SLIT1: variants seen among roughly 807,000 people sequenced by gnomAD.
SLIT1 encodes slit homolog 1 protein.
Under a neutral mutation model 186.1 loss-of-function variants are expected in SLIT1, and 66 were observed. The observed-to-expected ratio is 0.35, with a 90% CI of 0.29 to 0.44. The LOEUF (loss-of-function observed/expected upper bound fraction) is 0.44, where lower values mean the gene tolerates loss of function less well. Ranked by LOEUF, SLIT1 falls within the 20% of genes least tolerant of loss-of-function variation. The pLI is 1.00. For missense variants in SLIT1, 1,638 were observed against 2,037.4 expected (o/e 0.80, Z 3.77); for synonymous variants, 761 against 833.8 (o/e 0.91, Z 1.50).
intron 30 of SLIT1, among the ~76,000 whole-genome samples, chr10:97,013,032 T>C (rs949733714): frequency 6.6e-6 from 1 of 152,194 alleles, no homozygotes; most frequent in Non-Finnish European, 1.5e-5. Flanking sequence ...ATGATGAAAA[T>C]ACAGACCAAC....
At chr10:97,037,392 T>G (rs1302612890) in intron 22 of SLIT1, among the ~76,000 whole-genome samples, 1 of 152,104 alleles carries the variant, frequency 6.6e-6, no homozygotes, top group Non-Finnish European at 1.5e-5. Context: ...TGAGCCACCG[T>G]GCCCGCCCGA....
chr10:97,142,286 A>T (rs189600422), intron 4 of SLIT1, among the ~76,000 whole-genome samples: 4 of 152,348 alleles, frequency 2.6e-5, no homozygotes, highest in Non-Finnish European at 5.9e-5. Flanking sequence ...AGACAGACAA[A>T]TAGACCAATG....
At chr10:97,042,395 G>T (rs577896929) in intron 20 of SLIT1, among the ~76,000 whole-genome samples, 1 of 152,058 alleles carries the variant, frequency 6.6e-6, no homozygotes, top group Non-Finnish European at 1.5e-5. Context: ...TGGTGCTGTG[G>T]CGAAAAAATG....
intron 6 of SLIT1, 143 bp downstream of exon 6, chr10:97,064,662 G>C (rs1022028158): frequency 1.1e-5 from 7 of 646,934 alleles, no homozygotes; most frequent in Non-Finnish European, 1.9e-5. Flanking sequence ...ATGAGTGCCT[G>C]TCCTCCCCTC....
At chr10:97,172,314 G>C (rs2134738187) in intron 1 of SLIT1, among the ~76,000 whole-genome samples, 1 of 152,186 alleles carries the variant, frequency 6.6e-6, no homozygotes, top group East Asian at 1.9e-4. Context: ...CCAAAGTGCT[G>C]GGATTACAAG....
Position 97,068,680 on chromosome 10 carries a change from C to T in SLIT1, c.414-2594G>A, listed in dbSNP as rs761235057. Among the ~76,000 whole-genome samples, 6 of 152,208 alleles carry T rather than the reference C, an allele frequency of 3.9e-5. No homozygotes were observed. The highest frequency in any genetic ancestry group is 7.3e-5 in the Non-Finnish European group (5 of 68,030). On this transcript the variant is annotated intron_variant, in intron 4 of 36. Coordinates refer to ENST00000266058, the MANE Select transcript of SLIT1 (RefSeq NM_003061.3). This position sits in a 1 kb window ranked among gnomAD's most constrained non-coding sequence, Gnocchi z 4.2. Reference sequence around the variant, plus strand: ...TTCTTGTGGGGGAAGCTTCCTCCTCCCGCACTCGCCCGGCCCCACCTTCCC... The same window carrying T: ...TTCTTGTGGGGGAAGCTTCCTCCTCTCGCACTCGCCCGGCCCCACCTTCCC...
At chr10:97,034,342 C>T (rs1208368010) in intron 23 of SLIT1, 129 bp downstream of exon 23, 22 of 737,064 alleles carry the variant, frequency 3.0e-5, no homozygotes, top group South Asian at 1.7e-4. Context: ...CTCTCAGGCC[C>T]GGCACCCTCT....
chr10:97,181,283 T>G (rs1480612716), intron 1 of SLIT1, among the ~76,000 whole-genome samples: 2 of 152,218 alleles, frequency 1.3e-5, no homozygotes, highest in Non-Finnish European at 2.9e-5. Context: ...TCAGATCCAA[T>G]CGGGCCCTGA....
intron 4 of SLIT1, among the ~76,000 whole-genome samples, chr10:97,112,007 T>G (rs893609281): frequency 6.6e-6 from 1 of 152,186 alleles, no homozygotes; most frequent in Non-Finnish European, 1.5e-5. Flanking sequence ...CGTGCCGAGC[T>G]TGCCCCTTCC....
chr10:97,032,764 G>T (rs919127430), intron 23 of SLIT1, among the ~76,000 whole-genome samples: 1 of 152,048 alleles, frequency 6.6e-6, no homozygotes, highest in African/African-American at 2.4e-5. Context: ...CCCAGCAGAC[G>T]AATGGATGAG....
At chr10:97,134,769 C>T (rs1412236337) in intron 4 of SLIT1, among the ~76,000 whole-genome samples, 5 of 152,312 alleles carry the variant, frequency 3.3e-5, no homozygotes. Flanking sequence ...ATTCTCTTCC[C>T]CTTTGATTTT....
chr10:97,065,909 TC>T (rs1327254721), intron 5 of SLIT1, 105 bp downstream of exon 5: 24 of 816,802 alleles, frequency 2.9e-5, no homozygotes, highest in Non-Finnish European at 4.9e-5. Flanking sequence ...CCAGGTCAGC[TC>T]CCTGGCTGCC....
intron 4 of SLIT1, among the ~76,000 whole-genome samples, chr10:97,128,502 C>G (rs1479241429): frequency 6.6e-6 from 1 of 152,182 alleles, no homozygotes; most frequent in Non-Finnish European, 1.5e-5. Flanking sequence ...GTTAACTTCC[C>G]AGAATGGGTC....
At chr10:97,120,238 G>A (rs1175761241) in intron 4 of SLIT1, among the ~76,000 whole-genome samples, 1 of 151,968 alleles carries the variant, frequency 6.6e-6, no homozygotes, top group Non-Finnish European at 1.5e-5. Context: ...GCTCCCCACA[G>A]CCACTTCCCT....
At chr10:97,179,963 G>A (rs563118799) in intron 1 of SLIT1, among the ~76,000 whole-genome samples, 50 of 152,322 alleles carry the variant, frequency 3.3e-4, no homozygotes, top group Non-Finnish European at 7.1e-4. Flanking sequence ...CAGAACTGGA[G>A]GCGGCAACTC....
At chr10:97,044,255 G>A (rs1018639089) in intron 18 of SLIT1, among the ~76,000 whole-genome samples, 5 of 152,166 alleles carry the variant, frequency 3.3e-5, no homozygotes, top group African/African-American at 1.2e-4. Flanking sequence ...ACTTAGCCAG[G>A]CATGGTGGTG....
chr10:97,070,334 C>T (rs1848991082), intron 4 of SLIT1, among the ~76,000 whole-genome samples: 1 of 152,218 alleles, frequency 6.6e-6, no homozygotes, highest in African/African-American at 2.4e-5. Context: ...CATGCTTAGG[C>T]TCCAGGTTAA....
At chr10:97,041,853 AAAG>A (rs10533432) in intron 20 of SLIT1, among the ~76,000 whole-genome samples, 11,144 of 152,184 alleles carry the variant, frequency 0.073, 550 homozygotes, top group Middle Eastern at 0.11. Context: ...TCTTTTGTAA[AAAG>A]AAGGATAAAA....
At position 97,047,956 on chromosome 10, in the gene SLIT1, T is replaced by C. The variant is rs762755950; in HGVS notation, c.1489+17A>G. On this transcript the variant is annotated intron_variant, in intron 15 of 36. Coordinates refer to ENST00000266058, the MANE Select transcript of SLIT1 (RefSeq NM_003061.3). ...CCATTCCCGCCAGGCTGGCCTTGGATCCCCCCACTCTCCTACCTGGAATGA... is the reference window on the plus strand; with the variant it reads ...CCATTCCCGCCAGGCTGGCCTTGGACCCCCCCACTCTCCTACCTGGAATGA... The C allele has an allele frequency of 6.2e-7, 1 of 1,613,728 alleles. No individual in the cohort carries two copies. Among genetic ancestry groups the C allele is most frequent in the Admixed American group, 1.7e-5 (1 of 59,976 alleles).
Sources: allele counts gnomAD v4.1 joint callset (sites outside exome capture counted in the v4.1 genomes callset), GRCh38; gene constraint gnomAD v4.1.1; non-coding constraint Gnocchi (gnomAD v3.1); transcripts MANE v1.5; gene names NCBI Gene and HGNC (gene_info 2026-07-23, HGNC 2026-07-21).